The following DCC variants were observed in gnomAD, a reference collection of about 807,000 sequenced individuals.
The protein encoded by DCC is netrin receptor DCC.
Under a neutral mutation model 172.5 loss-of-function variants are expected in DCC, and 58 were observed. That is an observed-to-expected ratio of 0.34 (90% CI 0.27 to 0.42). The LOEUF is 0.42. DCC is among the 10% of genes least tolerant of loss of function. DCC has a pLI of 1.00. For synonymous variants in DCC, 709 were observed against 644.5 expected (o/e 1.10, Z -1.52); for missense variants, 1,740 against 1,791.0 (o/e 0.97, Z 0.51).
At chr18:52,537,730 G>A (rs2032328103) in intron 1 of DCC, among the ~76,000 whole-genome samples, 2 of 152,146 alleles carry the variant, frequency 1.3e-5, no homozygotes, top group African/African-American at 4.8e-5. Flanking sequence ...ATGGCATATG[G>A]CTCTTCACTG....
chr18:53,525,545 T>C (rs1235804042), intron 27 of DCC, among the ~76,000 whole-genome samples: 1 of 152,088 alleles, frequency 6.6e-6, no homozygotes, highest in Non-Finnish European at 1.5e-5. Context: ...ACCTAGCAGA[T>C]TGCTGGTTTA....
intron 26 of DCC, among the ~76,000 whole-genome samples, chr18:53,487,529 C>CTTT (rs34404262): frequency 3.2e-4 from 39 of 120,154 alleles, no homozygotes; most frequent in Non-Finnish European, 5.0e-4. Flanking sequence ...CCATTTGACT[C>CTTT]TTTTTTTTTT....
intron 5 of DCC, among the ~76,000 whole-genome samples, chr18:53,040,752 A>T (rs941943141): frequency 1.3e-5 from 2 of 151,942 alleles, no homozygotes; most frequent in Admixed American, 1.3e-4. Flanking sequence ...CAAACTAATC[A>T]AGGAACGAGT....
At chr18:52,388,011 G>C (rs529883462) in intron 1 of DCC, among the ~76,000 whole-genome samples, 1 of 151,952 alleles carries the variant, frequency 6.6e-6, no homozygotes, top group Admixed American at 6.6e-5. Context: ...TGCATCCATG[G>C]GCATACTAAT....
rs1414981882 is a variant in DCC, at chr18:53,450,533, G to A, written c.3263G>A (p.Gly1088Asp). The A allele has an allele frequency of 1.2e-4, 196 of 1,613,822 alleles. 2 individuals carry two copies. The East Asian group carries it at 4.3e-3, about 35-fold the overall frequency. Reference protein sequence around the residue: ...PPIGQMHPPHGSVTPQKNSNL... With the variant: ...PPIGQMHPPHDSVTPQKNSNL... ...ATTGGACAAATGCACCCCCCGCATG[G>A]CAGTGTCACTCCTCAGAAGAACAGC... The change falls in exon 23 of 29, where the codon GGC (glycine) becomes GAC (aspartate). Residue 1088 changes from glycine (G) to aspartate (D), a missense_variant. Gly to Asp is a moderately conservative substitution (Grantham distance 94). This residue lies in a region of DCC where 1,732 missense variants were observed against 1,767.4 expected (regional missense o/e 0.98). Transcript: ENST00000442544.
At chr18:53,092,275 C>T (rs1350739884) in intron 7 of DCC, among the ~76,000 whole-genome samples, 2 of 152,062 alleles carry the variant, frequency 1.3e-5, no homozygotes, top group African/African-American at 2.4e-5. Context: ...TAACAAGCAA[C>T]TCAGGTGACT....
chr18:53,373,933 A>G (rs2144963701), intron 15 of DCC, among the ~76,000 whole-genome samples: 1 of 152,344 alleles, frequency 6.6e-6, no homozygotes, highest in Non-Finnish European at 1.5e-5. Context: ...CTATAAAGTC[A>G]TAGTATGTGT....
chr18:52,465,375 C>A (rs1347686516), intron 1 of DCC, among the ~76,000 whole-genome samples: 1 of 152,006 alleles, frequency 6.6e-6, no homozygotes, highest in Non-Finnish European at 1.5e-5. Context: ...TTTTTCTCCC[C>A]GTTTCTCTTG....
chr18:52,978,189 A>G lies in DCC; in HGVS notation c.985+52819A>G, dbSNP rs138364342. Among the ~76,000 whole-genome samples, 231 of 152,278 alleles carry G rather than the reference A, an allele frequency of 1.5e-3. 1 individual carries two copies. Among genetic ancestry groups the G allele is most frequent in the Middle Eastern group, 0.014 (4 of 294 alleles). On this transcript the variant is annotated intron_variant, in intron 5 of 28. Transcript: ENST00000442544. ...AAAAGTATTAAGAAGTGGAAAACAT[A>G]AAGAGATCTATGTTTTGGAAATATC...
At chr18:52,675,565 C>G (rs1054709579) in intron 1 of DCC, among the ~76,000 whole-genome samples, 1 of 152,182 alleles carries the variant, frequency 6.6e-6, no homozygotes, top group Admixed American at 6.5e-5. Context: ...GGTACATAAT[C>G]TCAGGACCTT....
intron 1 of DCC, among the ~76,000 whole-genome samples, chr18:52,615,076 C>T (rs947956823): frequency 2.0e-5 from 3 of 152,052 alleles, no homozygotes; most frequent in African/African-American, 2.4e-5. Context: ...TCTTAAAAGT[C>T]GATAGCTGCA....
intron 15 of DCC, among the ~76,000 whole-genome samples, chr18:53,344,473 C>T (rs1341144293): frequency 3.6e-5 from 4 of 110,404 alleles, no homozygotes; most frequent in Admixed American, 1.3e-4. Context: ...GCCACAGTCT[C>T]ACTTTGTTGC....
chr18:53,503,524 T>G (rs2144483904), intron 27 of DCC, among the ~76,000 whole-genome samples: 1 of 152,360 alleles, frequency 6.6e-6, no homozygotes, highest in Admixed American at 6.5e-5. Flanking sequence ...GTGATTTGGC[T>G]TAGTCCACTT....
intron 1 of DCC, among the ~76,000 whole-genome samples, chr18:52,449,451 G>C (rs1457670095): frequency 2.0e-5 from 3 of 152,176 alleles, no homozygotes; most frequent in African/African-American, 7.2e-5. Flanking sequence ...AGCAATATTT[G>C]GTCCTTAATG....
At chr18:53,002,630 A>G (rs979883099) in intron 5 of DCC, among the ~76,000 whole-genome samples, 1 of 150,722 alleles carries the variant, frequency 6.6e-6, no homozygotes, top group African/African-American at 2.4e-5. Flanking sequence ...CAGAATTTTG[A>G]TAATAAGCAC....
chr18:52,879,939 G>T (rs2039459097), intron 2 of DCC, among the ~76,000 whole-genome samples: 1 of 152,076 alleles, frequency 6.6e-6, no homozygotes, highest in Non-Finnish European at 1.5e-5. Context: ...GGTGCATGAG[G>T]TGTTTTGATA....
At chr18:52,828,158 C>T (rs1004439894) in intron 2 of DCC, among the ~76,000 whole-genome samples, 5 of 152,170 alleles carry the variant, frequency 3.3e-5, no homozygotes, top group African/African-American at 9.7e-5. Flanking sequence ...TCAGTTCATA[C>T]TCTACATACT....
At chr18:53,370,159 C>T (rs574969077) in intron 15 of DCC, among the ~76,000 whole-genome samples, 1 of 151,756 alleles carries the variant, frequency 6.6e-6, no homozygotes, top group Non-Finnish European at 1.5e-5. Context: ...TTCAGATTTT[C>T]TATTGTGATT....
At chr18:53,219,075 CACTT>C (rs764180286) in intron 12 of DCC, among the ~76,000 whole-genome samples, 2 of 152,110 alleles carry the variant, frequency 1.3e-5, no homozygotes, top group South Asian at 2.1e-4. Flanking sequence ...ATTTATTCAA[CACTT>C]ACTCTGTACC....
Sources: allele counts gnomAD v4.1 joint callset (sites outside exome capture counted in the v4.1 genomes callset), GRCh38; gene constraint gnomAD v4.1.1; regional missense constraint gnomAD v4.1.1; transcripts MANE v1.5; gene names NCBI Gene and HGNC (gene_info 2026-07-23, HGNC 2026-07-21).